Variants in AUTS2 observed in about 807,000 individuals in gnomAD.
AUTS2 encodes autism susceptibility gene 2 protein.
In AUTS2, 17 loss-of-function variants were observed where a neutral mutation model predicts 112.4. The observed-to-expected ratio is 0.15, with a 90% confidence interval of 0.10 to 0.23. The LOEUF is 0.23. Ranked by LOEUF, AUTS2 falls within the 10% of genes least tolerant of loss-of-function variation. The pLI, the probability that AUTS2 is intolerant of heterozygous loss-of-function variation, is 1.00. For synonymous variants in AUTS2, 751 were observed against 702.7 expected, an observed-to-expected ratio of 1.07 and a Z score of -1.09; for missense variants, 1,510 against 1,701.6, an observed-to-expected ratio of 0.89 and a Z score of 1.98.
chr7:70,432,814 C>T (rs1309879661), intron 4 of AUTS2, among the ~76,000 whole-genome samples: 2 of 152,144 alleles, frequency 1.3e-5, no homozygotes, highest in African/African-American at 4.8e-5. Context: ...ATGGTGCGCT[C>T]CTGCTGAGCT....
At position 70,763,086 on chromosome 7, in the gene AUTS2, C is replaced by T. The variant is rs540878144; in HGVS notation, c.959C>T (p.Pro320Leu). 5.8e-5 allele frequency: 93 copies of T among 1,614,114 alleles called. 1 individual carries two copies. The East Asian group carries it at 8.2e-4, about 14-fold the overall frequency. ...QTEPQLRAPS[P>L]DPDLVQRTEA... is the part of the protein sequence containing the mutation. ...GAGCCCCAACTCCGAGCTCCTTCTCCGGACCCTGACTTGGTGCAGCGCACA... is the reference window on the plus strand; with the variant it reads ...GAGCCCCAACTCCGAGCTCCTTCTCTGGACCCTGACTTGGTGCAGCGCACA... Residue 320 changes from proline to leucine, a missense_variant, in exon 7 of 19, where the codon CCG (proline) becomes CTG (leucine). Pro to Leu is a moderately conservative substitution (Grantham distance 98, BLOSUM62 -3). This residue lies in a region of AUTS2 where 535 missense variants were observed against 594.3 expected (regional missense o/e 0.90). Coordinates refer to ENST00000342771, the MANE Select transcript of AUTS2 (RefSeq NM_015570.4).
At chr7:70,352,979 G>A (rs146961072) in intron 4 of AUTS2, among the ~76,000 whole-genome samples, 105 of 152,306 alleles carry the variant, frequency 6.9e-4, no homozygotes, top group African/African-American at 2.1e-3. Context: ...GGTTGGAAAG[G>A]CTTTGTTTCA....
intron 5 of AUTS2, among the ~76,000 whole-genome samples, chr7:70,509,895 A>G (rs908713895): frequency 3.9e-5 from 6 of 152,136 alleles, no homozygotes; most frequent in Non-Finnish European, 7.4e-5. Context: ...GAAACACCCT[A>G]TTTCTTTGCT....
chr7:70,275,549 A>T (rs973579172), intron 4 of AUTS2, among the ~76,000 whole-genome samples: 3 of 152,132 alleles, frequency 2.0e-5, no homozygotes, highest in Non-Finnish European at 4.4e-5. Context: ...GGTAAAAAAA[A>T]ATTTGTATAT....
At chr7:70,336,531 G>A (rs180903959) in intron 4 of AUTS2, among the ~76,000 whole-genome samples, 70 of 152,214 alleles carry the variant, frequency 4.6e-4, no homozygotes, top group Non-Finnish European at 6.6e-4. Flanking sequence ...CTTTGCTGAC[G>A]GCAGTGGTAG....
At chr7:70,526,878 C>G (rs1310948810) in intron 5 of AUTS2, among the ~76,000 whole-genome samples, 1 of 152,218 alleles carries the variant, frequency 6.6e-6, no homozygotes, top group African/African-American at 2.4e-5. Context: ...GTCACACTTG[C>G]TTCCAGTCAG....
intron 4 of AUTS2, among the ~76,000 whole-genome samples, chr7:70,232,484 A>C (rs2129596939): frequency 6.6e-6 from 1 of 152,124 alleles, no homozygotes; most frequent in African/African-American, 2.4e-5. Context: ...GTGCACTGCA[A>C]CTTCCCCCTT....
chr7:70,262,136 G>A (rs1296046421), intron 4 of AUTS2, among the ~76,000 whole-genome samples: 1 of 152,124 alleles, frequency 6.6e-6, no homozygotes, highest in Non-Finnish European at 1.5e-5. Context: ...TATGGCTATT[G>A]TCTTTAATAA....
chr7:70,153,900 C>A (rs1051626200), intron 4 of AUTS2, among the ~76,000 whole-genome samples: 2 of 152,046 alleles, frequency 1.3e-5, no homozygotes, highest in Non-Finnish European at 1.5e-5. Context: ...GAGCCCAATC[C>A]TTTTTTTGGC....
intron 1 of AUTS2, among the ~76,000 whole-genome samples, chr7:69,690,785 G>A (rs925633680): frequency 3.3e-5 from 5 of 152,188 alleles, no homozygotes; most frequent in Non-Finnish European, 7.3e-5. Flanking sequence ...TGGCTATTGG[G>A]GGTTGTGTTA....
chr7:69,811,226 T>G (rs1435424496), intron 1 of AUTS2, among the ~76,000 whole-genome samples: 2 of 152,070 alleles, frequency 1.3e-5, no homozygotes, highest in African/African-American at 4.8e-5. Flanking sequence ...GGAAGCATAG[T>G]TTGAAATCTA....
At chr7:69,899,075 A>G (rs146766984) in intron 1 of AUTS2, among the ~76,000 whole-genome samples, 1 of 152,310 alleles carries the variant, frequency 6.6e-6, no homozygotes, top group African/African-American at 2.4e-5. Flanking sequence ...CTGCCCAGTA[A>G]TAATAGAAAG....
At chr7:69,868,293 G>A (rs1188827424) in intron 1 of AUTS2, among the ~76,000 whole-genome samples, 2 of 152,178 alleles carry the variant, frequency 1.3e-5, no homozygotes, top group Non-Finnish European at 2.9e-5. Flanking sequence ...AGAATATTTA[G>A]TGCAAGCGGT....
intron 5 of AUTS2, among the ~76,000 whole-genome samples, chr7:70,439,270 T>G (rs764396541): frequency 6.6e-6 from 1 of 152,094 alleles, no homozygotes; most frequent in Non-Finnish European, 1.5e-5. Context: ...CTGGGTGCGG[T>G]GGCTGATGCC....
chr7:69,733,708 A>G (rs1357872444), intron 1 of AUTS2, among the ~76,000 whole-genome samples: 1 of 152,218 alleles, frequency 6.6e-6, no homozygotes, highest in African/African-American at 2.4e-5. Context: ...AGCCACCACT[A>G]GCATCCTTAG....
intron 5 of AUTS2, chr7:70,596,350 A>G (rs1803208489): frequency 6.6e-6 from 1 of 152,206 alleles, no homozygotes. Flanking sequence ...CGTGCCGGCA[A>G]GTTTCCCCGG....
chr7:69,873,873 A>G (rs1477696534), intron 1 of AUTS2, among the ~76,000 whole-genome samples: 2 of 152,230 alleles, frequency 1.3e-5, no homozygotes, highest in African/African-American at 4.8e-5. Context: ...TCATTTGTGT[A>G]ATGTTTATTG....
At chr7:70,494,602 G>C (rs555720860) in intron 5 of AUTS2, among the ~76,000 whole-genome samples, 3 of 150,758 alleles carry the variant, frequency 2.0e-5, no homozygotes, top group Admixed American at 2.0e-4. Flanking sequence ...GATCCCTTCA[G>C]TTCCCACTGG....
At chr7:69,774,330 A>G (rs1032331629) in intron 1 of AUTS2, among the ~76,000 whole-genome samples, 1 of 152,106 alleles carries the variant, frequency 6.6e-6, no homozygotes, top group Non-Finnish European at 1.5e-5. Context: ...AACCCAGGAA[A>G]TTGGGGCTGC....
Sources: allele counts gnomAD v4.1 joint callset (sites outside exome capture counted in the v4.1 genomes callset), GRCh38; gene constraint gnomAD v4.1.1; regional missense constraint gnomAD v4.1.1; transcripts MANE v1.5; gene names NCBI Gene and HGNC (gene_info 2026-07-23, HGNC 2026-07-21).